GFRA1: variants seen among roughly 807,000 people sequenced by gnomAD.
GFRA1 encodes GDNF family receptor alpha 1, also known as GDNF family receptor alpha-1.
Under a neutral mutation model 51.6 loss-of-function variants are expected in GFRA1, and 16 were observed. The ratio of observed to expected loss-of-function variants is 0.31; its 90% CI spans 0.21 to 0.47. The LOEUF (loss-of-function observed/expected upper bound fraction) is 0.47, where lower values mean the gene tolerates loss of function less well. Among genes scored for constraint, GFRA1 ranks in the 20% least tolerant of loss-of-function variants. The pLI is 1.00. For missense variants in GFRA1, 530 were observed against 594.3 expected, an observed-to-expected ratio of 0.89 and a Z score of 1.13; for synonymous variants, 270 against 241.3, an observed-to-expected ratio of 1.12 and a Z score of -1.10.
At chr10:116,083,180 G>A (rs1367329329) in intron 9 of GFRA1, among the ~76,000 whole-genome samples, 1 of 152,216 alleles carries the variant, frequency 6.6e-6, no homozygotes, top group Non-Finnish European at 1.5e-5. Flanking sequence ...TTAACCATGG[G>A]TGAAAAGGAA....
intron 4 of GFRA1, among the ~76,000 whole-genome samples, chr10:116,214,932 A>G (rs896895529): frequency 2.6e-5 from 4 of 152,214 alleles, no homozygotes; most frequent in Non-Finnish European, 5.9e-5. Context: ...TTCGATTCCA[A>G]AAACTCACAG....
chr10:116,231,069 TTAC>T (rs1164580661), intron 4 of GFRA1, among the ~76,000 whole-genome samples: 16 of 152,194 alleles, frequency 1.1e-4, no homozygotes, highest in Admixed American at 7.2e-4. Flanking sequence ...TTAAAAAACA[TTAC>T]TACATCTTTT....
intron 5 of GFRA1, among the ~76,000 whole-genome samples, chr10:116,152,145 A>C (rs1959088693): frequency 6.6e-6 from 1 of 152,210 alleles, no homozygotes; most frequent in Admixed American, 6.5e-5. Context: ...AGGAGTTTGG[A>C]TATGATTCTA....
At chr10:116,256,336 G>A (rs1050614575) in intron 4 of GFRA1, among the ~76,000 whole-genome samples, 5 of 152,002 alleles carry the variant, frequency 3.3e-5, no homozygotes, top group South Asian at 2.1e-4. Context: ...GCCCCTCCCC[G>A]TTGCCAGCCC....
rs921895676 is a variant in GFRA1, at chr10:116,098,490, A to T, written c.771-1726T>A. Among the ~76,000 whole-genome samples, 4 of 152,168 alleles carry T rather than the reference A, an allele frequency of 2.6e-5. 1 individual carries two copies. The highest frequency in any genetic ancestry group is 3.9e-4 in the East Asian group (2 of 5,190). ...CCAGCTTGGATTGAGTGTTAATTTC[A>T]AAAGAATTTTCCTGGTCATGAAAGT... On this transcript the variant is annotated intron_variant, in intron 6 of 10. Transcript: ENST00000355422.
At chr10:116,152,819 A>T (rs1324688982) in intron 5 of GFRA1, among the ~76,000 whole-genome samples, 3 of 152,240 alleles carry the variant, frequency 2.0e-5, no homozygotes, top group Non-Finnish European at 4.4e-5. Flanking sequence ...TGAACTTCTT[A>T]AAAGAATTTG....
At chr10:116,112,747 G>A (rs370001835) in intron 6 of GFRA1, among the ~76,000 whole-genome samples, 372 of 152,304 alleles carry the variant, frequency 2.4e-3, no homozygotes, top group Non-Finnish European at 3.4e-3. Context: ...AAGCAGCCCC[G>A]GAGCGACCGC....
At chr10:116,100,340 CG>C (rs1384442706) in intron 6 of GFRA1, among the ~76,000 whole-genome samples, 1 of 152,152 alleles carries the variant, frequency 6.6e-6, no homozygotes, top group Non-Finnish European at 1.5e-5. Context: ...ATGAGGAAAC[CG>C]AGGCACGGAG....
chr10:116,217,802 T>C (rs1965660767), intron 4 of GFRA1, among the ~76,000 whole-genome samples: 1 of 152,172 alleles, frequency 6.6e-6, no homozygotes, highest in Admixed American at 6.5e-5. Flanking sequence ...AAATTTGCTA[T>C]GAAGACTGAA....
rs1354421685 is a variant in GFRA1 at position 116,269,537 on chromosome 10, C to T, written c.384G>A (p.Leu128=). The T allele has an allele frequency of 3.1e-6, 5 of 1,608,256 alleles. No homozygotes were observed. The highest frequency in any genetic ancestry group is 1.6e-4 in the Middle Eastern group (1 of 6,080). The change falls in exon 4 of 11, where the codon TTG becomes TTA. Residue 128 remains leucine, a synonymous_variant. Transcript: ENST00000355422. ...DSPYEPVNSR[L]SDIFRVVPFI... ...ATGGGACCACCCGGAATATATCTGA[C>T]AATCTGCTGTTAACTGGTTCATATG...
At chr10:116,096,786 G>A (rs551851074) in intron 6 of GFRA1, 22 bp from the exon 7 acceptor site, 32 of 1,340,372 alleles carry the variant, frequency 2.4e-5, no homozygotes, top group Non-Finnish European at 2.8e-5. Flanking sequence ...AAAAAGGGGT[G>A]GGGGGTGGAA....
At chr10:116,099,521 C>G (rs898552903) in intron 6 of GFRA1, among the ~76,000 whole-genome samples, 1 of 152,162 alleles carries the variant, frequency 6.6e-6, no homozygotes, top group African/African-American at 2.4e-5. Flanking sequence ...TCAGTACTTT[C>G]CAAAGAAAGA....
At chr10:116,183,063 T>C (rs922390045) in intron 5 of GFRA1, among the ~76,000 whole-genome samples, 2 of 152,228 alleles carry the variant, frequency 1.3e-5, no homozygotes, top group African/African-American at 2.4e-5. Flanking sequence ...CTTTGCCGCC[T>C]TGATGTTTCC....
At chr10:116,268,443 T>G (rs977254553) in intron 4 of GFRA1, among the ~76,000 whole-genome samples, 2 of 152,252 alleles carry the variant, frequency 1.3e-5, no homozygotes, top group African/African-American at 4.8e-5. Context: ...AGGTGATGAC[T>G]GGCTCACTGC....
intron 4 of GFRA1, among the ~76,000 whole-genome samples, chr10:116,236,826 T>C (rs1445365486): frequency 2.0e-5 from 3 of 152,212 alleles, no homozygotes; most frequent in African/African-American, 7.2e-5. Context: ...CCTGTGATTA[T>C]CTGTCTTCTC....
intron 5 of GFRA1, among the ~76,000 whole-genome samples, chr10:116,171,183 C>T (rs1960988184): frequency 6.6e-6 from 1 of 152,174 alleles, no homozygotes; most frequent in African/African-American, 2.4e-5. Flanking sequence ...CTGGATTATG[C>T]TATTTCCGAC....
At chr10:116,258,380 A>ATAT (rs1565685600) in intron 4 of GFRA1, among the ~76,000 whole-genome samples, 6 of 146,148 alleles carry the variant, frequency 4.1e-5, no homozygotes, top group African/African-American at 1.5e-4. Context: ...ATAATATCTA[A>ATAT]TATATTAATT....
intron 5 of GFRA1, among the ~76,000 whole-genome samples, chr10:116,168,468 A>G (rs1960708973): frequency 6.6e-6 from 1 of 152,206 alleles, no homozygotes; most frequent in South Asian, 2.1e-4. Context: ...GCCCTGGCCC[A>G]GAGTCCTTCT....
At chr10:116,242,679 A>G (rs1477276949) in intron 4 of GFRA1, among the ~76,000 whole-genome samples, 1 of 151,926 alleles carries the variant, frequency 6.6e-6, no homozygotes, top group Non-Finnish European at 1.5e-5. Context: ...ATGGGGTTTC[A>G]CTATGTTGGC....
Sources: gnomAD v4.1 joint callset for allele counts (sites outside exome capture counted in the v4.1 genomes callset) on GRCh38, gnomAD v4.1.1 for gene constraint, MANE v1.5 for transcripts, NCBI Gene and HGNC (gene_info 2026-07-23, HGNC 2026-07-21) for gene names.